DCAF12: variants seen among roughly 807,000 people sequenced by gnomAD.
DCAF12 encodes DDB1 and CUL4 associated factor 12.
DCAF12 carries 28 observed loss-of-function variants against 52.8 expected under a neutral mutation model. That is an observed-to-expected ratio of 0.53 (90% confidence interval 0.39 to 0.73). The LOEUF is 0.73. DCAF12 is among the 30% of genes least tolerant of loss of function. The probability of loss-of-function intolerance (pLI) is 0.00; values close to 1 mark genes in which losing one functional copy is unlikely to be tolerated. For synonymous variants in DCAF12, 196 were observed against 215.5 expected, an observed-to-expected ratio of 0.91 and a Z score of 0.79; for missense variants, 425 against 552.2, an observed-to-expected ratio of 0.77 and a Z score of 2.31.
chr9:34,091,492 T>G (rs923260880), intron 7 of DCAF12, among the ~76,000 whole-genome samples: 3 of 151,708 alleles, frequency 2.0e-5, no homozygotes, highest in Admixed American at 6.6e-5. Flanking sequence ...AAAAATTAGC[T>G]GAATGAGGTG....
chr9:34,099,325 C>G (rs554751484), intron 4 of DCAF12, among the ~76,000 whole-genome samples: 8 of 152,216 alleles, frequency 5.3e-5, no homozygotes, highest in Non-Finnish European at 1.0e-4. Context: ...CAACCTCCGC[C>G]TCCCAGGTTC....
At chr9:34,098,655 C>A in intron 4 of DCAF12, 138 bp from the exon 5 acceptor site, 1 of 767,802 alleles carries the variant, frequency 1.3e-6, no homozygotes, top group Non-Finnish European at 2.0e-6. Context: ...AGATGGCCCA[C>A]CCTAAACACA....
rs754283761 is a variant in DCAF12 at position 34,125,198 on chromosome 9, C to T, written c.158G>A (p.Arg53Gln). 1 of 1,614,170 alleles carries T rather than the reference C, an allele frequency of 6.2e-7. No individual in the cohort carries two copies. Among genetic ancestry groups the T allele is most frequent in the Admixed American group, 1.7e-5 (1 of 60,008 alleles). ...KRSLVYYLKN[R>Q]EVRLQNETSY... ...GGTTTCATTCTGTAGCCTGACTTCCCGGTTCTTCAAGTAGTATACTAAGGA... is the reference window on the plus strand; with the variant it reads ...GGTTTCATTCTGTAGCCTGACTTCCTGGTTCTTCAAGTAGTATACTAAGGA... The change falls in exon 2 of 9, where the codon CGG (arginine) becomes CAG (glutamine). Residue 53 changes from arginine (R) to glutamine (Q), a missense_variant. Arg to Gln is a conservative substitution (Grantham distance 43). Transcript: ENST00000361264.
rs540518724 is a variant in DCAF12, at chr9:34,086,919, T to A, written c.*1431A>T. On this transcript the variant is annotated 3_prime_UTR_variant, in exon 9 of 9. Transcript: ENST00000361264. ...GACTTTTCCTTTCCCCAAAATGGGA[T>A]GTTGACAGAAAAGCAGAGTATGTGC... 3 of 152,284 alleles carry A rather than the reference T, an allele frequency of 2.0e-5. No homozygotes were observed. The South Asian group carries it at 6.2e-4, about 32-fold the overall frequency. 9.4% of individuals were successfully genotyped at this position (152,284 alleles called of 1,614,324 possible). A position where few individuals can be genotyped will look rare whatever the true frequency, so the allele number is the denominator to read the frequency against.
rs772167922 is a variant in DCAF12, at chr9:34,089,598, A to T, written c.1025-8T>A. On this transcript the variant is annotated splice_polypyrimidine_tract_variant and splice_region_variant and intron_variant, in intron 7 of 8. Transcript: ENST00000361264. ...AACTCACTGACCGGATTCCTGAAAG[A>T]CAGAAAAGTAAAAGGCAGTGAGGCG... 1 of 1,598,238 alleles carries T rather than the reference A, an allele frequency of 6.3e-7. No individual in the cohort carries two copies. Among genetic ancestry groups the T allele is most frequent in the Non-Finnish European group, 8.5e-7 (1 of 1,170,582 alleles).
In DCAF12 at chr9:34,089,495, C is replaced by T; in HGVS notation, c.1120G>A (p.Glu374Lys). The T allele has an allele frequency of 1.9e-6, 3 of 1,614,194 alleles. No individual in the cohort carries two copies. Among genetic ancestry groups the T allele is most frequent in the Non-Finnish European group, 1.7e-6 (2 of 1,180,048 alleles). ...CCATAACAAGCTGAGAGCCTCTCTT[C>T]CAGAAATCTCTGAGCTCGGATGTCA... is the stretch of plus-strand genomic sequence containing the variant. ...FYDIRAQRFL[E>K]ERLSACYGSK... The change falls in exon 8 of 9, where the codon GAA becomes AAA. Residue 374 changes from glutamate (E) to lysine (K), a missense_variant. Around this residue, in one of 3 missense-constraint regions of DCAF12, gnomAD observed 328 missense variants for 444.4 expected, o/e 0.74. Coordinates refer to ENST00000361264, the MANE Select transcript of DCAF12 (RefSeq NM_015397.4).
chr9:34,109,857 C>T (rs1201591756), intron 2 of DCAF12: 1 of 281,304 alleles, frequency 3.6e-6, no homozygotes, highest in East Asian at 9.6e-5. Flanking sequence ...AGAGAGCTTC[C>T]TTATCAATGC....
At chr9:34,099,242 TA>T (rs1828789086) in intron 4 of DCAF12, among the ~76,000 whole-genome samples, 1 of 152,032 alleles carries the variant, frequency 6.6e-6, no homozygotes, top group Non-Finnish European at 1.5e-5. Context: ...TAATTCTTTT[TA>T]TTTTTATTTT....
chr9:34,088,233 C>T lies in DCAF12; in HGVS notation c.*117G>A, dbSNP rs1828589545. ...ATTAAGTGCCTAAACTATAGGCAAA[C>T]TTTGGTGTTCCCACTAAAACACAAG... On this transcript the variant is annotated 3_prime_UTR_variant, in exon 9 of 9. Transcript: ENST00000361264. 2.3e-5 allele frequency: 28 copies of T among 1,200,776 alleles called. 1 individual carries two copies. The South Asian group carries it at 4.5e-4, about 19-fold the overall frequency. The allele number at this position is 1,200,776 out of a possible 1,614,324, so 74.4% of individuals were successfully genotyped here.
chr9:34,114,568 G>C (rs1440994835), intron 2 of DCAF12, among the ~76,000 whole-genome samples: 1 of 152,136 alleles, frequency 6.6e-6, no homozygotes, highest in South Asian at 2.1e-4. Context: ...TCTCTGACAA[G>C]GGTCCAAGGA....
At chr9:34,126,247 TCTGA>T (rs1829248527) in intron 1 of DCAF12, 103 bp downstream of exon 1, 1 of 1,412,224 alleles carries the variant, frequency 7.1e-7, no homozygotes, top group Non-Finnish European at 9.7e-7. Context: ...CTGTTTTGCC[TCTGA>T]CTGCAGACCC....
chr9:34,110,601 C>G (rs534653534), intron 2 of DCAF12, among the ~76,000 whole-genome samples: 5 of 152,166 alleles, frequency 3.3e-5, no homozygotes, highest in Non-Finnish European at 5.9e-5. Context: ...GGCATTAAGA[C>G]TCTCCTCGGG....
chr9:34,117,430 G>T (rs978265788), intron 2 of DCAF12, among the ~76,000 whole-genome samples: 1 of 151,948 alleles, frequency 6.6e-6, no homozygotes, highest in Non-Finnish European at 1.5e-5. Flanking sequence ...CATTACAGGT[G>T]TGAGCCACCG....
rs73491041 is a variant in DCAF12 at position 34,088,655 on chromosome 9, C to T, written c.1204-147G>A. 3,269 of 854,014 alleles carry T rather than the reference C, an allele frequency of 3.8e-3. 70 individuals carry two copies. In the African/African-American group the frequency reaches 0.049, roughly 13 times the overall value. 52.9% of individuals were successfully genotyped at this position (854,014 alleles called of 1,614,324 possible). A position where few individuals can be genotyped will look rare whatever the true frequency, so the allele number is the denominator to read the frequency against. Reference sequence around the variant, plus strand: ...ATGTCAGGAGATTGGCTGGTTGGTTCTCATGGGAATCAGGGCCTCATTTTT... The same window carrying T: ...ATGTCAGGAGATTGGCTGGTTGGTTTTCATGGGAATCAGGGCCTCATTTTT... On this transcript the variant is annotated intron_variant, in intron 8 of 8. Coordinates refer to ENST00000361264, the MANE Select transcript of DCAF12 (RefSeq NM_015397.4).
intron 7 of DCAF12, chr9:34,089,935 C>T (rs915090603): frequency 1.0e-5 from 2 of 197,580 alleles, no homozygotes; most frequent in South Asian, 3.4e-4. Flanking sequence ...TTTCATAACT[C>T]TAAGCTTTTC....
In DCAF12 at chr9:34,126,695, G is replaced by C; in HGVS notation, c.-264C>G. On this transcript the variant is annotated 5_prime_UTR_variant, in exon 1 of 9. Transcript: ENST00000361264. ...AGCCTGCAAGGACGGCGAGCGGCTAGAACCAAAACACCCCCTCCCCCTTGC... is the reference window on the plus strand; with the variant it reads ...AGCCTGCAAGGACGGCGAGCGGCTACAACCAAAACACCCCCTCCCCCTTGC... 1.8e-6 allele frequency: 1 copy of C among 552,142 alleles called. No individual in the cohort carries two copies. The highest frequency in any genetic ancestry group is 3.2e-6 in the Non-Finnish European group (1 of 312,836). 34.2% of individuals were successfully genotyped at this position (552,142 alleles called of 1,614,324 possible). A position where few individuals can be genotyped will look rare whatever the true frequency, so the allele number is the denominator to read the frequency against.
chr9:34,101,158 A>G (rs1333903510), intron 4 of DCAF12, among the ~76,000 whole-genome samples: 1 of 149,404 alleles, frequency 6.7e-6, no homozygotes, highest in African/African-American at 2.5e-5. Context: ...TGTAGCCTCA[A>G]CCTCCTGGGC....
intron 2 of DCAF12, among the ~76,000 whole-genome samples, chr9:34,121,123 C>T (rs1829168351): frequency 6.6e-6 from 1 of 152,156 alleles, no homozygotes; most frequent in Admixed American, 6.6e-5. Context: ...CACTGTACTC[C>T]AGCCTGAGCA....
intron 4 of DCAF12, among the ~76,000 whole-genome samples, chr9:34,103,052 G>A (rs556058033): frequency 2.7e-3 from 344 of 125,650 alleles, no homozygotes; most frequent in African/African-American, 9.6e-3. Flanking sequence ...ATCACATCAC[G>A]CCACTGCATT....
Sources: gnomAD v4.1 joint callset for allele counts (sites outside exome capture counted in the v4.1 genomes callset) on GRCh38, gnomAD v4.1.1 for gene constraint, gnomAD v4.1.1 regional missense constraint, MANE v1.5 for transcripts, NCBI Gene and HGNC (gene_info 2026-07-23, HGNC 2026-07-21) for gene names.